PLCH1: variants seen among roughly 807,000 people sequenced by gnomAD.
PLCH1 encodes the protein 1-phosphatidylinositol 4,5-bisphosphate phosphodiesterase eta-1.
Under a neutral mutation model 126.7 loss-of-function variants are expected in PLCH1, and 60 were observed. The observed-to-expected ratio is 0.47, with a 90% CI of 0.38 to 0.59. The LOEUF is 0.59. Ranked by LOEUF, PLCH1 falls within the 20% of genes least tolerant of loss-of-function variation. The pLI is 0.00. For missense variants in PLCH1, 1,723 were observed against 2,040.0 expected (o/e 0.84, Z 2.99); for synonymous variants, 719 against 734.9 (o/e 0.98, Z 0.35).
chr3:155,523,828 T>C, intron 11 of PLCH1, 69 bp downstream of exon 11: 2 of 867,468 alleles, frequency 2.3e-6, no homozygotes, highest in Non-Finnish European at 1.9e-6. Flanking sequence ...TCCAACACAG[T>C]AGCAACTTGG....
chr3:155,697,440 G>A (rs375909417), intron 2 of PLCH1, among the ~76,000 whole-genome samples: 10 of 152,158 alleles, frequency 6.6e-5, no homozygotes, highest in African/African-American at 2.2e-4. Flanking sequence ...ATGGCACTCT[G>A]AGGAGTGAAA....
intron 2 of PLCH1, among the ~76,000 whole-genome samples, chr3:155,650,124 G>A (rs1740543252): frequency 6.6e-6 from 1 of 151,976 alleles, no homozygotes; most frequent in African/African-American, 2.4e-5. Context: ...AAACAGTCAT[G>A]AAACTAATAA....
chr3:155,574,757 G>A (rs1729704305), intron 6 of PLCH1, among the ~76,000 whole-genome samples: 1 of 152,104 alleles, frequency 6.6e-6, no homozygotes. Context: ...ATGTTATCTG[G>A]GAAATATAGC....
At chr3:155,720,192 A>G (rs1444437921) in intron 1 of PLCH1, among the ~76,000 whole-genome samples, 1 of 152,170 alleles carries the variant, frequency 6.6e-6, no homozygotes, top group Non-Finnish European at 1.5e-5. Context: ...GTGGTCAAGT[A>G]TCTTTTTCAT....
chr3:155,729,068 A>G (rs1209283444), intron 1 of PLCH1, among the ~76,000 whole-genome samples: 1 of 152,240 alleles, frequency 6.6e-6, no homozygotes, highest in Admixed American at 6.5e-5. Flanking sequence ...AAATAGTGGA[A>G]ATGGATTTCA....
At chr3:155,479,331 G>T (rs904158195), downstream of PLCH1, among the ~76,000 whole-genome samples, 2 of 152,076 alleles carry the variant, frequency 1.3e-5, no homozygotes, top group African/African-American at 4.8e-5. Context: ...GCATAGAAAT[G>T]GTCACTTACC....
chr3:155,582,372 C>T (rs527996680), intron 6 of PLCH1, among the ~76,000 whole-genome samples: 7 of 152,132 alleles, frequency 4.6e-5, no homozygotes, highest in African/African-American at 1.2e-4. Flanking sequence ...CATGAGACAC[C>T]GTGCCTGGCC....
At chr3:155,732,159 T>C (rs1055875318) in intron 1 of PLCH1, among the ~76,000 whole-genome samples, 1 of 151,504 alleles carries the variant, frequency 6.6e-6, no homozygotes, top group African/African-American at 2.4e-5. Context: ...TAGAAATAAT[T>C]CAAAAAAATT....
At chr3:155,658,230 C>A (rs961812074) in intron 2 of PLCH1, 12 of 208,442 alleles carry the variant, frequency 5.8e-5, no homozygotes, top group Admixed American at 5.3e-4. Flanking sequence ...ATCATCCTCC[C>A]TGGGCACCAC....
intron 2 of PLCH1, among the ~76,000 whole-genome samples, chr3:155,684,644 C>G (rs1387899985): frequency 6.6e-6 from 1 of 151,926 alleles, no homozygotes; most frequent in Admixed American, 6.6e-5. Context: ...GCAGGGAGAC[C>G]TCACTCCTCT....
chr3:155,547,616 A>G (rs1183215349), intron 10 of PLCH1, among the ~76,000 whole-genome samples: 2 of 152,160 alleles, frequency 1.3e-5, no homozygotes, highest in Non-Finnish European at 2.9e-5. Context: ...CATTATTCAC[A>G]ATAGCAAAGG....
intron 10 of PLCH1, among the ~76,000 whole-genome samples, chr3:155,544,675 A>G (rs1344219529): frequency 6.6e-6 from 1 of 152,180 alleles, no homozygotes; most frequent in Non-Finnish European, 1.5e-5. Flanking sequence ...ATCAGAAATT[A>G]TAACAAACTG....
At chr3:155,555,930 A>G (rs1032628006) in intron 8 of PLCH1, among the ~76,000 whole-genome samples, 3 of 152,208 alleles carry the variant, frequency 2.0e-5, no homozygotes, top group Non-Finnish European at 4.4e-5. Context: ...TGAATGAGAT[A>G]ACTACTTACT....
intron 12 of PLCH1, among the ~76,000 whole-genome samples, chr3:155,506,589 G>A (rs942359876): frequency 7.6e-6 from 1 of 131,710 alleles, no homozygotes; most frequent in Non-Finnish European, 1.6e-5. Context: ...ACCTATGAGT[G>A]AGAATATGCG....
intron 21 of PLCH1, among the ~76,000 whole-genome samples, chr3:155,451,128 C>T (rs1311934644): frequency 6.6e-6 from 1 of 151,938 alleles, no homozygotes; most frequent in Non-Finnish European, 1.5e-5. Context: ...TGAGTCCATA[C>T]TGATACCAAT....
intron 2 of PLCH1, among the ~76,000 whole-genome samples, chr3:155,619,355 T>C (rs1736175137): frequency 6.6e-6 from 1 of 152,066 alleles, no homozygotes; most frequent in Non-Finnish European, 1.5e-5. Flanking sequence ...ACCTCCTTTG[T>C]TCAACTGCAT....
At chr3:155,477,335 G>A (rs954055593), downstream of PLCH1, among the ~76,000 whole-genome samples, 1 of 152,056 alleles carries the variant, frequency 6.6e-6, no homozygotes. Context: ...CATTGGTCTA[G>A]GCAAAATTTT....
At chr3:155,625,272 T>C (rs7610604) in intron 2 of PLCH1, among the ~76,000 whole-genome samples, 73,845 of 151,878 alleles carry the variant, frequency 0.49, 20,336 homozygotes, top group African/African-American at 0.74. Flanking sequence ...AAACGTAAGA[T>C]CTAAAACCAT....
intron 2 of PLCH1, among the ~76,000 whole-genome samples, chr3:155,641,733 CAAAT>C (rs1038572951): frequency 1.1e-4 from 17 of 152,100 alleles, no homozygotes; most frequent in Non-Finnish European, 1.8e-4. Flanking sequence ...TGTATCCAAA[CAAAT>C]AAAAAATTTT....
Sources: allele counts gnomAD v4.1 joint callset (sites outside exome capture counted in the v4.1 genomes callset), GRCh38; gene constraint gnomAD v4.1.1; transcripts MANE v1.5; gene names NCBI Gene and HGNC (gene_info 2026-07-23, HGNC 2026-07-21).